Variants in UNC13C observed in about 807,000 individuals in gnomAD.
UNC13C encodes the protein protein unc-13 homolog C.
In UNC13C, 174 loss-of-function variants were observed where a neutral mutation model predicts 245.4. The ratio of observed to expected loss-of-function variants is 0.71; its 90% CI spans 0.63 to 0.80. The LOEUF is 0.80. Ranked by LOEUF, UNC13C falls within the 30% of genes least tolerant of loss-of-function variation. UNC13C has a pLI of 0.00. For missense variants in UNC13C, 2,829 were observed against 2,602.9 expected (o/e 1.09, Z -1.89); for synonymous variants, 992 against 895.1 (o/e 1.11, Z -1.93).
In UNC13C at chr15:54,158,220, T is replaced by C. The variant is rs1035227162; in HGVS notation, c.3071+14536T>C. On this transcript the variant is annotated intron_variant, in intron 4 of 32. Coordinates refer to ENST00000260323, the MANE Select transcript of UNC13C (RefSeq NM_001080534.3). ...GCCTATTTGAGCAAATAAGTAGACC[T>C]CATCAGAGATTCTTCCCTTTCTAAA... Among the ~76,000 whole-genome samples, 3 of 152,254 alleles carry C rather than the reference T, an allele frequency of 2.0e-5. No individual in the cohort carries two copies. In the East Asian group the frequency reaches 5.8e-4, roughly 29 times the overall value.
chr15:53,969,684 C>CA, the UNC13C span, among the ~76,000 whole-genome samples: 30,419 of 95,614 alleles, frequency 0.32, 4,406 homozygotes, highest in South Asian at 0.42. Context: ...GGTGCTGTCT[C>CA]AAAAAAAAAA....
chr15:53,877,523 A>G, the UNC13C span, among the ~76,000 whole-genome samples: 3 of 152,158 alleles, frequency 2.0e-5, no homozygotes, highest in Non-Finnish European at 4.4e-5. Flanking sequence ...AGAAGAGGTC[A>G]GGAGAGAAAC....
chr15:53,991,375 T>C (rs1894380131), intron 1 of UNC13C, among the ~76,000 whole-genome samples: 1 of 152,016 alleles, frequency 6.6e-6, no homozygotes, highest in Non-Finnish European at 1.5e-5. Context: ...AAAAATCATG[T>C]CGATTCTAAT....
chr15:54,622,465 G>A (rs371423963), intron 31 of UNC13C, 46 bp downstream of exon 31: 2 of 1,368,298 alleles, frequency 1.5e-6, no homozygotes, highest in Non-Finnish European at 2.1e-6. Flanking sequence ...CTAAACTTCT[G>A]CAGCAGTACT....
intron 25 of UNC13C, 73 bp downstream of exon 25, chr15:54,525,710 C>A: frequency 1.6e-6 from 2 of 1,222,814 alleles, no homozygotes; most frequent in South Asian, 1.3e-5. Context: ...GCCTTCAATG[C>A]TGTTTCCTCT....
chr15:54,028,315 C>G (rs1896203813), intron 2 of UNC13C, among the ~76,000 whole-genome samples: 1 of 152,194 alleles, frequency 6.6e-6, no homozygotes, highest in Non-Finnish European at 1.5e-5. Flanking sequence ...ACTTTGCCTT[C>G]TAATTGTCTC....
intron 30 of UNC13C, among the ~76,000 whole-genome samples, chr15:54,617,147 GTCA>G (rs984109249): frequency 6.6e-6 from 1 of 152,032 alleles, no homozygotes; most frequent in African/African-American, 2.4e-5. Flanking sequence ...ATTTATGCCC[GTCA>G]TTAAGTGACA....
At chr15:54,097,013 G>A (rs1899904326) in intron 2 of UNC13C, among the ~76,000 whole-genome samples, 1 of 152,116 alleles carries the variant, frequency 6.6e-6, no homozygotes, top group African/African-American at 2.4e-5. Context: ...TGAAGTATAT[G>A]CCTGAAATTT....
intron 25 of UNC13C, among the ~76,000 whole-genome samples, chr15:54,532,651 CT>C (rs1466482676): frequency 2.2e-5 from 3 of 133,624 alleles, no homozygotes; most frequent in African/African-American, 7.5e-5. Flanking sequence ...AACATCTCAA[CT>C]GTGACTATCA....
At chr15:54,429,586 A>G (rs1029707788) in intron 19 of UNC13C, among the ~76,000 whole-genome samples, 1 of 151,724 alleles carries the variant, frequency 6.6e-6, no homozygotes, top group Non-Finnish European at 1.5e-5. Flanking sequence ...GAGGTGGATA[A>G]TTTCCATTAT....
At chr15:54,367,032 T>A (rs1293950457) in intron 17 of UNC13C, among the ~76,000 whole-genome samples, 2 of 152,186 alleles carry the variant, frequency 1.3e-5, no homozygotes, top group East Asian at 3.8e-4. Context: ...TTATGATGCA[T>A]GTAATTTAAT....
intron 17 of UNC13C, among the ~76,000 whole-genome samples, chr15:54,384,830 C>A (rs931088842): frequency 2.0e-5 from 3 of 151,884 alleles, no homozygotes; most frequent in Admixed American, 1.3e-4. Context: ...AATAATAATT[C>A]TATTAAAAAG....
chr15:54,380,407 T>G (rs1243903929), intron 17 of UNC13C, among the ~76,000 whole-genome samples: 1 of 152,210 alleles, frequency 6.6e-6, no homozygotes, highest in Non-Finnish European at 1.5e-5. Context: ...ATATCTTGGC[T>G]ATTGTGAATA....
intron 17 of UNC13C, among the ~76,000 whole-genome samples, chr15:54,384,139 A>G (rs1330370187): frequency 6.6e-6 from 1 of 152,140 alleles, no homozygotes; most frequent in Non-Finnish European, 1.5e-5. Flanking sequence ...GCCATTTTTT[A>G]CAGAAATATA....
At chr15:54,134,816 TATTTAA>T (rs1338406636) in intron 2 of UNC13C, among the ~76,000 whole-genome samples, 1 of 152,256 alleles carries the variant, frequency 6.6e-6, no homozygotes. Context: ...AATCTCATTT[TATTTAA>T]ATTTATACCT....
At chr15:54,510,499 A>C (rs1342855630) in intron 23 of UNC13C, among the ~76,000 whole-genome samples, 1 of 142,684 alleles carries the variant, frequency 7.0e-6, no homozygotes, top group Non-Finnish European at 1.5e-5. Flanking sequence ...TTAAAACAGA[A>C]TCTTTGGGGG....
chr15:54,014,381 A>C lies in UNC13C; in HGVS notation c.1478A>C (p.Asn493Thr). The change falls in exon 2 of 33, where the codon AAT becomes ACT. Residue 493 changes from asparagine to threonine, a missense_variant. Physicochemically the swap from Asn to Thr is moderately conservative, Grantham distance 65. Transcript: ENST00000260323. ...AAATCACACAGTGCTAGATCCAAGAATAAAACTGCTAATAGCAGCAGAATT... is the reference window on the plus strand; with the variant it reads ...AAATCACACAGTGCTAGATCCAAGACTAAAACTGCTAATAGCAGCAGAATT... ...SSKSHSARSK[N>T]KTANSSRISN... 6.2e-7 allele frequency: 1 copy of C among 1,613,884 alleles called. No individual in the cohort carries two copies. The highest frequency in any genetic ancestry group is 8.5e-7 in the Non-Finnish European group (1 of 1,179,848).
intron 13 of UNC13C, among the ~76,000 whole-genome samples, chr15:54,305,380 CT>C (rs1459048046): frequency 3.9e-5 from 6 of 151,940 alleles, no homozygotes; most frequent in Non-Finnish European, 5.9e-5. Context: ...GTACTGAGTT[CT>C]TTTTTCAGTC....
At chr15:54,480,414 C>G (rs1286935228) in intron 19 of UNC13C, among the ~76,000 whole-genome samples, 2 of 93,090 alleles carry the variant, frequency 2.1e-5, no homozygotes, top group African/African-American at 8.2e-5. Context: ...TCTTTTTTTA[C>G]TCTTTTTTTT....
Sources: allele counts gnomAD v4.1 joint callset (sites outside exome capture counted in the v4.1 genomes callset), GRCh38; gene constraint gnomAD v4.1.1; transcripts MANE v1.5; gene names NCBI Gene and HGNC (gene_info 2026-07-23, HGNC 2026-07-21).